Variants in MTPN observed in about 807,000 individuals in gnomAD.
The protein encoded by MTPN is granule cell differentiation protein.
A neutral mutation model predicts 13.5 loss-of-function variants in MTPN; 2 were observed. That is an observed-to-expected ratio of 0.15 (90% CI 0.06 to 0.47). MTPN has a LOEUF of 0.47. Ranked by LOEUF, MTPN falls within the 20% of genes least tolerant of loss-of-function variation. The pLI is 0.97. For missense variants in MTPN, 79 were observed against 137.9 expected, an observed-to-expected ratio of 0.57 and a Z score of 2.14; for synonymous variants, 46 against 51.7, an observed-to-expected ratio of 0.89 and a Z score of 0.48.
chr7:135,936,309 AC>A (rs1799113981), intron 3 of MTPN, among the ~76,000 whole-genome samples: 2 of 152,294 alleles, frequency 1.3e-5, no homozygotes, highest in Non-Finnish European at 2.9e-5. Flanking sequence ...ACATGGCGAA[AC>A]CCCGTCTGTA....
At chr7:135,970,894 A>G (rs1799684147) in intron 1 of MTPN, among the ~76,000 whole-genome samples, 1 of 152,220 alleles carries the variant, frequency 6.6e-6, no homozygotes. Context: ...CCTTCTGTAG[A>G]AAGGGCAACA....
At chr7:135,970,068 C>G (rs567762096) in intron 1 of MTPN, among the ~76,000 whole-genome samples, 3 of 151,934 alleles carry the variant, frequency 2.0e-5, no homozygotes, top group African/African-American at 7.3e-5. Flanking sequence ...AAGGTGATCA[C>G]GACAATCCTG....
chr7:135,934,169 T>G (rs1485058110), intron 3 of MTPN, among the ~76,000 whole-genome samples: 2 of 152,158 alleles, frequency 1.3e-5, no homozygotes, highest in South Asian at 4.1e-4. Flanking sequence ...TCTGTTACTC[T>G]TAAGGTAAAT....
intron 1 of MTPN, among the ~76,000 whole-genome samples, chr7:135,963,709 T>C (rs1281562115): frequency 6.6e-6 from 1 of 152,080 alleles, no homozygotes; most frequent in African/African-American, 2.4e-5. Context: ...ATGAACTCAT[T>C]TTAAATAATG....
In MTPN at chr7:135,928,847, G is replaced by A. The variant is rs1428305540; in HGVS notation, c.*1079C>T. 6.0e-6 allele frequency: 1 copy of A among 167,038 alleles called. No homozygotes were observed. The highest frequency in any genetic ancestry group is 2.4e-5 in the African/African-American group (1 of 41,434). The allele number at this position is 167,038 out of a possible 1,614,324, so 10.3% of individuals were successfully genotyped here. The stretch of plus-strand genomic sequence containing the variant: ...CAGCAGAAGCCTATCAACAACTCTG[G>A]GAAACCTGGTTACAAGTGTATTTTT... On this transcript the variant is annotated 3_prime_UTR_variant, in exon 4 of 4. Transcript: ENST00000393085.
In MTPN at chr7:135,950,688, A is replaced by C; in HGVS notation, c.187-6T>G. The C allele has an allele frequency of 6.3e-7, 1 of 1,592,658 alleles. No individual in the cohort carries two copies. Among genetic ancestry groups the C allele is most frequent in the African/African-American group, 1.3e-5 (1 of 74,406 alleles). Reference sequence around the variant, plus strand: ...ATATGATGTTTATCTGGAGCCTATGAAATAATAAACAGAGATAACTTTATC... The same window carrying C: ...ATATGATGTTTATCTGGAGCCTATGCAATAATAAACAGAGATAACTTTATC... On this transcript the variant is annotated splice_region_variant and splice_polypyrimidine_tract_variant and intron_variant, in intron 2 of 3. Transcript: ENST00000393085.
In MTPN at chr7:135,929,861, C is replaced by T; in HGVS notation, c.*65G>A. ...AAGCTGGCAGATAGAGAGTGACAGA[C>T]AGACAGGCAGCAGTGTGAGGCCACA... On this transcript the variant is annotated 3_prime_UTR_variant, in exon 4 of 4. Coordinates refer to ENST00000393085, the MANE Select transcript of MTPN (RefSeq NM_145808.4). 5.4e-6 allele frequency: 8 copies of T among 1,468,088 alleles called. No homozygotes were observed. Among genetic ancestry groups the T allele is most frequent in the Non-Finnish European group, 6.7e-6 (7 of 1,047,122 alleles). The allele number at this position is 1,468,088 out of a possible 1,614,324, so 90.9% of individuals were successfully genotyped here. A position where few individuals can be genotyped will look rare whatever the true frequency, so the allele number is the denominator to read the frequency against.
intron 3 of MTPN, among the ~76,000 whole-genome samples, chr7:135,944,433 T>A: frequency 6.6e-6 from 1 of 152,156 alleles, no homozygotes; most frequent in East Asian, 1.9e-4. Context: ...CCCAGCACTT[T>A]GGGAGGCCGA....
chr7:135,930,852 C>T (rs935515267), intron 3 of MTPN, among the ~76,000 whole-genome samples: 2 of 152,156 alleles, frequency 1.3e-5, no homozygotes, highest in Non-Finnish European at 2.9e-5. Flanking sequence ...TGTTTACCAG[C>T]TCTAGCTCCA....
At chr7:135,974,923 T>G (rs1799749824) in intron 1 of MTPN, among the ~76,000 whole-genome samples, 1 of 152,206 alleles carries the variant, frequency 6.6e-6, no homozygotes, top group Non-Finnish European at 1.5e-5. Context: ...TATTTCTCAT[T>G]AACAAAGTGA....
intron 3 of MTPN, among the ~76,000 whole-genome samples, chr7:135,934,929 T>C (rs191455095): frequency 1.2e-4 from 19 of 152,314 alleles, no homozygotes; most frequent in Admixed American, 1.2e-3. Context: ...ATCTCATCCA[T>C]GTCCAACCTT....
intron 3 of MTPN, among the ~76,000 whole-genome samples, chr7:135,944,220 T>C (rs564630379): frequency 2.0e-5 from 3 of 152,266 alleles, no homozygotes; most frequent in Admixed American, 1.3e-4. Flanking sequence ...CAATACCCCA[T>C]AGTTGATTAT....
chr7:135,930,079 TCACATGG>T, intron 3 of MTPN, 67 bp from the exon 4 acceptor site: 1 of 1,339,788 alleles, frequency 7.5e-7, no homozygotes, highest in Non-Finnish European at 1.1e-6. Flanking sequence ...TAAGACTAGC[TCACATGG>T]CACAGGTTAA....
In MTPN at chr7:135,929,848, A is replaced by G. The variant is rs147149661; in HGVS notation, c.*78T>C. 60 of 1,349,640 alleles carry G rather than the reference A, an allele frequency of 4.4e-5. No homozygotes were observed. Among genetic ancestry groups the G allele is most frequent in the Non-Finnish European group, 6.0e-5 (56 of 939,724 alleles). The allele number at this position is 1,349,640 out of a possible 1,614,324, so 83.6% of individuals were successfully genotyped here. On this transcript the variant is annotated 3_prime_UTR_variant, in exon 4 of 4. Transcript: ENST00000393085. Reference sequence around the variant, plus strand: ...TATTTAGCTGAAGAAGCTGGCAGATAGAGAGTGACAGACAGACAGGCAGCA... The same window carrying G: ...TATTTAGCTGAAGAAGCTGGCAGATGGAGAGTGACAGACAGACAGGCAGCA...
intron 3 of MTPN, among the ~76,000 whole-genome samples, chr7:135,930,628 C>T (rs753280198): frequency 4.6e-5 from 7 of 152,142 alleles, no homozygotes; most frequent in Non-Finnish European, 8.8e-5. Context: ...ATCTGCAACG[C>T]GGCATTCTGG....
intron 1 of MTPN, among the ~76,000 whole-genome samples, chr7:135,960,457 T>C (rs1423788444): frequency 1.3e-5 from 2 of 152,066 alleles, no homozygotes; most frequent in Non-Finnish European, 2.9e-5. Context: ...AAGCAGGTTT[T>C]AAGTGTGGTC....
chr7:135,975,769 G>C (rs747361527), intron 1 of MTPN, among the ~76,000 whole-genome samples: 17 of 152,186 alleles, frequency 1.1e-4, no homozygotes, highest in Non-Finnish European at 2.5e-4. Context: ...AGCTGAGAAG[G>C]CAGTGACGAG....
rs1798969987 is a variant in MTPN at position 135,928,895 on chromosome 7, C to T, written c.*1031G>A. 1 of 167,068 alleles carries T rather than the reference C, an allele frequency of 6.0e-6. No homozygotes were observed. The highest frequency in any genetic ancestry group is 6.5e-5 in the Admixed American group (1 of 15,272). 10.3% of individuals were successfully genotyped at this position (167,068 alleles called of 1,614,324 possible). A position where few individuals can be genotyped will look rare whatever the true frequency, so the allele number is the denominator to read the frequency against. On this transcript the variant is annotated 3_prime_UTR_variant, in exon 4 of 4. Coordinates refer to ENST00000393085, the MANE Select transcript of MTPN (RefSeq NM_145808.4). ...TTTGAAGGGATGGGGCTAAATTTGT[C>T]CAAACAGTAAATCTCACCCCAGTGA...
In MTPN at chr7:135,927,085, A is replaced by G. The variant is rs954148141; in HGVS notation, c.*2841T>C. On this transcript the variant is annotated 3_prime_UTR_variant, in exon 4 of 4. Coordinates refer to ENST00000393085, the MANE Select transcript of MTPN (RefSeq NM_145808.4). ...CTCTCACCAGCTTCTTCTATACACA[A>G]TTGAGTATACAATATTGCATGGAAG... The G allele has an allele frequency of 4.9e-6, 2 of 406,108 alleles. No homozygotes were observed. Among genetic ancestry groups the G allele is most frequent in the Non-Finnish European group, 8.6e-6 (2 of 231,946 alleles). The allele number at this position is 406,108 out of a possible 1,614,324, so 25.2% of individuals were successfully genotyped here. A position where few individuals can be genotyped will look rare whatever the true frequency, so the allele number is the denominator to read the frequency against.
Sources: gnomAD v4.1 joint callset for allele counts (sites outside exome capture counted in the v4.1 genomes callset) on GRCh38, gnomAD v4.1.1 for gene constraint, MANE v1.5 for transcripts, NCBI Gene and HGNC (gene_info 2026-07-23, HGNC 2026-07-21) for gene names.